Variants in CEP128 observed in about 807,000 individuals in gnomAD.
The protein encoded by CEP128 is centrosomal protein 128kDa.
In CEP128, 132 loss-of-function variants were observed where a neutral mutation model predicts 156.7. The ratio of observed to expected loss-of-function variants is 0.84; its 90% CI spans 0.73 to 0.97. The LOEUF is 0.97. Among genes scored for constraint, CEP128 ranks in the 50% least tolerant of loss-of-function variants. CEP128 has a pLI of 0.00. For missense variants in CEP128, 1,252 were observed against 1,281.9 expected (o/e 0.98, Z 0.36); for synonymous variants, 469 against 448.9 (o/e 1.04, Z -0.57).
chr14:80,511,297 T>C (rs1888243433), intron 23 of CEP128, among the ~76,000 whole-genome samples: 1 of 152,012 alleles, frequency 6.6e-6, no homozygotes, highest in Admixed American at 6.6e-5. Context: ...GTTATTGGCC[T>C]ATTCAGGTTT....
chr14:80,866,956 C>A (rs1040747059), intron 8 of CEP128, among the ~76,000 whole-genome samples: 4 of 152,170 alleles, frequency 2.6e-5, no homozygotes, highest in African/African-American at 9.7e-5. Flanking sequence ...ATACCATGAA[C>A]AATTTTTCCC....
intron 19 of CEP128, among the ~76,000 whole-genome samples, chr14:80,593,540 C>G (rs1426835563): frequency 7.4e-6 from 1 of 135,156 alleles, no homozygotes; most frequent in East Asian, 2.1e-4. Flanking sequence ...GAGCAAGACT[C>G]CATCTCAAAA....
chr14:80,810,001 A>G (rs949604582), intron 13 of CEP128, among the ~76,000 whole-genome samples: 1 of 152,090 alleles, frequency 6.6e-6, no homozygotes, highest in Non-Finnish European at 1.5e-5. Context: ...AACAACAAGG[A>G]CAATAAGCAA....
intron 18 of CEP128, among the ~76,000 whole-genome samples, chr14:80,747,174 A>G (rs1280015164): frequency 6.6e-6 from 1 of 152,252 alleles, no homozygotes; most frequent in African/African-American, 2.4e-5. Flanking sequence ...ATAATCTGAC[A>G]GTTACTTTAT....
downstream of CEP128, among the ~76,000 whole-genome samples, chr14:80,495,948 G>A (rs939572871): frequency 6.6e-6 from 1 of 152,038 alleles, no homozygotes; most frequent in Non-Finnish European, 1.5e-5. Flanking sequence ...TAGTTTATAT[G>A]GATCACCAGG....
At chr14:80,734,082 G>T (rs1425365957) in intron 19 of CEP128, among the ~76,000 whole-genome samples, 1 of 152,026 alleles carries the variant, frequency 6.6e-6, no homozygotes, top group Non-Finnish European at 1.5e-5. Flanking sequence ...CATGGCTAAA[G>T]GTCAGGCATC....
chr14:80,546,214 T>G (rs1889978024), intron 21 of CEP128, among the ~76,000 whole-genome samples: 1 of 152,160 alleles, frequency 6.6e-6, no homozygotes, highest in African/African-American at 2.4e-5. Context: ...GAAAAGGACT[T>G]TCCCATCCAT....
intron 21 of CEP128, among the ~76,000 whole-genome samples, chr14:80,532,197 A>G (rs1239874699): frequency 4.6e-5 from 7 of 151,846 alleles, no homozygotes; most frequent in Admixed American, 4.0e-4. Context: ...GTATATATAT[A>G]TATATTTTTT....
At chr14:80,825,221 A>T (rs1328921297) in intron 13 of CEP128, among the ~76,000 whole-genome samples, 1 of 152,180 alleles carries the variant, frequency 6.6e-6, no homozygotes, top group East Asian at 1.9e-4. Context: ...CAGCCAAACC[A>T]TATCACCCCC....
chr14:80,589,364 C>G (rs1891951418), intron 19 of CEP128, among the ~76,000 whole-genome samples: 2 of 152,072 alleles, frequency 1.3e-5, no homozygotes, highest in Non-Finnish European at 2.9e-5. Context: ...AAATTCAACT[C>G]TAAGAAAATT....
intron 17 of CEP128, among the ~76,000 whole-genome samples, chr14:80,757,700 T>C (rs1034993131): frequency 6.6e-6 from 1 of 152,214 alleles, no homozygotes; most frequent in African/African-American, 2.4e-5. Flanking sequence ...TGTTTAAAAA[T>C]ATCCTCTCTC....
At chr14:80,856,202 A>G (rs1595503246) in intron 9 of CEP128, among the ~76,000 whole-genome samples, 1 of 152,234 alleles carries the variant, frequency 6.6e-6, no homozygotes, top group East Asian at 1.9e-4. Flanking sequence ...CTTAAACTTC[A>G]CCATCGTCTA....
chr14:80,763,992 C>G (rs940808284), intron 16 of CEP128, among the ~76,000 whole-genome samples: 5 of 152,172 alleles, frequency 3.3e-5, no homozygotes, highest in Non-Finnish European at 7.3e-5. Flanking sequence ...TATTTTACAT[C>G]TAAGCAATTC....
chr14:80,693,374 T>G (rs930299240), intron 19 of CEP128, among the ~76,000 whole-genome samples: 2 of 152,232 alleles, frequency 1.3e-5, no homozygotes, highest in African/African-American at 2.4e-5. Context: ...GAACAAAGGT[T>G]GTAAACAGGT....
chr14:80,830,904 C>A (rs1885755621), intron 13 of CEP128: 1 of 417,512 alleles, frequency 2.4e-6, no homozygotes, highest in Non-Finnish European at 4.2e-6. Context: ...TAAAGGATTT[C>A]TCTGTAAAAT....
At chr14:80,876,697 G>GAA (rs11419598) in intron 8 of CEP128, among the ~76,000 whole-genome samples, 1 of 151,742 alleles carries the variant, frequency 6.6e-6, no homozygotes, top group South Asian at 2.1e-4. Flanking sequence ...AGAATAGAGG[G>GAA]AAAATGGCCC....
intron 1 of CEP128, among the ~76,000 whole-genome samples, chr14:80,958,631 T>C (rs987397822): frequency 6.6e-6 from 1 of 152,170 alleles, no homozygotes; most frequent in African/African-American, 2.4e-5. Flanking sequence ...AAGACTAAGT[T>C]AGTCTTTCTT....
chr14:80,919,275 T>G (rs1486772271), intron 2 of CEP128, among the ~76,000 whole-genome samples: 6 of 152,182 alleles, frequency 3.9e-5, no homozygotes, highest in Non-Finnish European at 5.9e-5. Context: ...GTAGACAATT[T>G]GAGTTTCAAC....
chr14:80,690,244 T>TAAAA (rs552661665), intron 19 of CEP128, among the ~76,000 whole-genome samples: 162 of 116,420 alleles, frequency 1.4e-3, no homozygotes, highest in Middle Eastern at 4.3e-3. Context: ...CTGTCTCTAT[T>TAAAA]AAAAAAAAAA....
Sources: allele counts gnomAD v4.1 joint callset (sites outside exome capture counted in the v4.1 genomes callset), GRCh38; gene constraint gnomAD v4.1.1; transcripts MANE v1.5; gene names NCBI Gene and HGNC (gene_info 2026-07-23, HGNC 2026-07-21).